The following PIGX variants were observed in gnomAD, a reference collection of about 807,000 sequenced individuals.
PIGX encodes phosphatidylinositol glycan anchor biosynthesis class X, also known as GPI alpha-1,4-mannosyltransferase I, stabilizing subunit.
A neutral mutation model predicts 28.7 loss-of-function variants in PIGX; 24 were observed. The observed-to-expected ratio is 0.84, with a 90% CI of 0.60 to 1.17. The LOEUF (loss-of-function observed/expected upper bound fraction) is 1.17. Among genes scored for constraint, PIGX ranks in the 50% most tolerant of loss-of-function variants. The pLI is 0.00. For synonymous variants in PIGX, 127 were observed against 121.0 expected, an observed-to-expected ratio of 1.05 and a Z score of -0.33; for missense variants, 305 against 317.8, an observed-to-expected ratio of 0.96 and a Z score of 0.31.
chr3:196,712,532 C>G lies in PIGX; in HGVS notation c.-1C>G. 6 of 1,166,962 alleles carry G rather than the reference C, an allele frequency of 5.1e-6. No individual in the cohort carries two copies. Among genetic ancestry groups the G allele is most frequent in the Non-Finnish European group, 6.3e-6 (6 of 945,862 alleles). 72.3% of individuals were successfully genotyped at this position (1,166,962 alleles called of 1,614,324 possible). Reference sequence around the variant, plus strand: ...CTCTCGGGCGTCCGGCTTCCGGCGTCCTGGCGGCTCGGGTGGCGGCGGTTC... The same window carrying G: ...CTCTCGGGCGTCCGGCTTCCGGCGTGCTGGCGGCTCGGGTGGCGGCGGTTC... On this transcript the variant is annotated 5_prime_UTR_variant, in exon 1 of 6. Coordinates refer to ENST00000392391, the MANE Select transcript of PIGX (RefSeq NM_017861.4).
chr3:196,731,646 CAT>C (rs1355432285), intron 5 of PIGX, among the ~76,000 whole-genome samples: 1 of 152,072 alleles, frequency 6.6e-6, no homozygotes, highest in Non-Finnish European at 1.5e-5. Flanking sequence ...TTGCCATTGC[CAT>C]ATGGTACCTG....
At chr3:196,724,393 A>C (rs544408543) in intron 3 of PIGX, among the ~76,000 whole-genome samples, 1 of 152,220 alleles carries the variant, frequency 6.6e-6, no homozygotes, top group Non-Finnish European at 1.5e-5. Flanking sequence ...TCAAATTTCA[A>C]CACAGTTTTT....
chr3:196,713,382 C>G (rs1462567838), intron 1 of PIGX, among the ~76,000 whole-genome samples: 2 of 151,638 alleles, frequency 1.3e-5, no homozygotes, highest in African/African-American at 2.4e-5. Context: ...CTCACTGCAA[C>G]CTCCGCCTTT....
chr3:196,726,341 C>T (rs1021510391), intron 3 of PIGX, among the ~76,000 whole-genome samples: 1 of 151,642 alleles, frequency 6.6e-6, no homozygotes, highest in Non-Finnish European at 1.5e-5. Context: ...CAGCTCATGC[C>T]TATTATCCCA....
rs1712976057 is a variant in PIGX at position 196,735,596 on chromosome 3, A to G, written c.*1694A>G. ...TAACCCAGTGCCATAAAGCAGAAAC[A>G]GTGACCTTTAAAATGACTAAAATTT... On this transcript the variant is annotated 3_prime_UTR_variant, in exon 6 of 6. Coordinates refer to ENST00000392391, the MANE Select transcript of PIGX (RefSeq NM_017861.4). The G allele has an allele frequency of 1.3e-5, 2 of 152,220 alleles. No individual in the cohort carries two copies. The highest frequency in any genetic ancestry group is 2.9e-5 in the Non-Finnish European group (2 of 68,044). 9.4% of individuals were successfully genotyped at this position (152,220 alleles called of 1,614,324 possible).
chr3:196,730,618 G>A (rs1482883864), intron 4 of PIGX, among the ~76,000 whole-genome samples: 1 of 151,670 alleles, frequency 6.6e-6, no homozygotes, highest in Admixed American at 6.6e-5. Context: ...TGCAATGGCA[G>A]GCACCTGTAA....
At chr3:196,731,170 A>C in intron 5 of PIGX, 78 bp downstream of exon 5, 1 of 791,480 alleles carries the variant, frequency 1.3e-6, no homozygotes, top group Non-Finnish European at 2.0e-6. Flanking sequence ...TGCCACATTT[A>C]AGAGATTAGC....
At chr3:196,722,799 G>C (rs913775687) in intron 3 of PIGX, among the ~76,000 whole-genome samples, 3 of 152,148 alleles carry the variant, frequency 2.0e-5, no homozygotes, top group African/African-American at 7.2e-5. Context: ...AATTATCTGG[G>C]TGTATGTGTA....
chr3:196,720,301 A>AT (rs1225884561), intron 2 of PIGX, among the ~76,000 whole-genome samples: 2 of 152,248 alleles, frequency 1.3e-5, no homozygotes, highest in African/African-American at 4.8e-5. Context: ...AAGTGGAATC[A>AT]TATAATGTTT....
At chr3:196,715,358 C>A (rs1322984146) in intron 1 of PIGX, among the ~76,000 whole-genome samples, 5 of 152,126 alleles carry the variant, frequency 3.3e-5, no homozygotes, top group Admixed American at 6.5e-5. Context: ...TAATCGGTCA[C>A]GTAGTTAGTT....
At position 196,729,608 on chromosome 3, in the gene PIGX, C is replaced by T. The variant is rs1021124988; in HGVS notation, c.533-1384C>T. 2.0e-5 allele frequency among the ~76,000 whole-genome samples: 3 copies of T among 150,902 alleles called. No homozygotes were observed. The East Asian group carries it at 6.2e-4, about 31-fold the overall frequency. ...TTCACTATGTTGGCCAGACTAGTCT[C>T]GAACTCCTGACCTCGTGATCCACCC... On this transcript the variant is annotated intron_variant, in intron 4 of 5. Transcript: ENST00000392391.
intron 5 of PIGX, among the ~76,000 whole-genome samples, chr3:196,732,221 TATATATATATATATATATATA>T (rs1712799366): frequency 4.3e-4 from 10 of 23,070 alleles, no homozygotes; most frequent in African/African-American, 1.3e-3. Context: ...ATTATTTATA[TATATATATATATATATATATA>T]TATATATATA....
chr3:196,727,183 C>T (rs1370144071), intron 3 of PIGX, among the ~76,000 whole-genome samples: 2 of 151,890 alleles, frequency 1.3e-5, no homozygotes, highest in Non-Finnish European at 2.9e-5. Flanking sequence ...ACATAGGTCG[C>T]GTATATAATG....
At chr3:196,732,244 A>G (rs1176280718) in intron 5 of PIGX, among the ~76,000 whole-genome samples, 1 of 31,956 alleles carries the variant, frequency 3.1e-5, no homozygotes, top group African/African-American at 1.6e-4. Context: ...ATATATATAT[A>G]TATATATATA....
intron 2 of PIGX, among the ~76,000 whole-genome samples, chr3:196,719,774 T>C (rs1490187970): frequency 6.6e-6 from 1 of 152,116 alleles, no homozygotes; most frequent in African/African-American, 2.4e-5. Context: ...AAAATACCCA[T>C]AACATAAAAT....
chr3:196,721,634 C>G (rs1712327023), intron 2 of PIGX, among the ~76,000 whole-genome samples: 1 of 152,002 alleles, frequency 6.6e-6, no homozygotes, highest in Non-Finnish European at 1.5e-5. Flanking sequence ...AGGGGTCTCT[C>G]CATATTGCTT....
chr3:196,728,194 A>AGTCCT (rs1285370585), intron 4 of PIGX, 58 bp downstream of exon 4: 1 of 1,402,574 alleles, frequency 7.1e-7, no homozygotes, highest in East Asian at 2.3e-5. Context: ...TATGGTGGCA[A>AGTCCT]GTCCTCCTTC....
chr3:196,734,491 A>C lies in PIGX; in HGVS notation c.*589A>C, dbSNP rs999942555. On this transcript the variant is annotated 3_prime_UTR_variant, in exon 6 of 6. Transcript: ENST00000392391. Reference sequence around the variant, plus strand: ...GGCGGGAGGATCGCTTGAACCTGGGAGGCGGAGGTTCCAGAGAGCCAAGAT... The same window carrying C: ...GGCGGGAGGATCGCTTGAACCTGGGCGGCGGAGGTTCCAGAGAGCCAAGAT... 6.6e-6 allele frequency: 1 copy of C among 152,262 alleles called. No homozygotes were observed. Among genetic ancestry groups the C allele is most frequent in the Non-Finnish European group, 1.5e-5 (1 of 68,114 alleles). 9.4% of individuals were successfully genotyped at this position (152,262 alleles called of 1,614,324 possible). A position where few individuals can be genotyped will look rare whatever the true frequency, so the allele number is the denominator to read the frequency against.
chr3:196,730,362 C>G (rs989612819), intron 4 of PIGX, among the ~76,000 whole-genome samples: 1 of 152,010 alleles, frequency 6.6e-6, no homozygotes, highest in East Asian at 1.9e-4. Flanking sequence ...TTTGCACTTA[C>G]GATATGTTCA....
Sources: allele counts gnomAD v4.1 joint callset (sites outside exome capture counted in the v4.1 genomes callset), GRCh38; gene constraint gnomAD v4.1.1; transcripts MANE v1.5; gene names NCBI Gene and HGNC (gene_info 2026-07-23, HGNC 2026-07-21).